Variants in PAX7 observed in about 807,000 individuals in gnomAD.
PAX7 encodes paired box protein Pax-7.
PAX7 carries 18 observed loss-of-function variants against 50.7 expected under a neutral mutation model. That is an observed-to-expected ratio of 0.36 (90% confidence interval 0.25 to 0.53). The LOEUF (loss-of-function observed/expected upper bound fraction) is 0.53. Among genes scored for constraint, PAX7 ranks in the 20% least tolerant of loss-of-function variants. PAX7 has a pLI of 0.93. For missense variants in PAX7, 644 were observed against 702.9 expected, an observed-to-expected ratio of 0.92 and a Z score of 0.95; for synonymous variants, 310 against 290.4, an observed-to-expected ratio of 1.07 and a Z score of -0.69.
intron 4 of PAX7, among the ~76,000 whole-genome samples, chr1:18,669,954 C>A (rs1268523377): frequency 6.6e-6 from 1 of 151,896 alleles, no homozygotes; most frequent in East Asian, 1.9e-4. Flanking sequence ...CGTGGTGGCA[C>A]GTGCCTGTAG....
In PAX7 at chr1:18,634,634, G is replaced by A. The variant is rs1196528418; in HGVS notation, c.321+96G>A. 1 of 933,170 alleles carries A rather than the reference G, an allele frequency of 1.1e-6. No homozygotes were observed. Among genetic ancestry groups the A allele is most frequent in the Non-Finnish European group, 1.7e-6 (1 of 601,800 alleles). The allele number at this position is 933,170 out of a possible 1,614,324, so 57.8% of individuals were successfully genotyped here. On this transcript the variant is annotated intron_variant, in intron 2 of 8. Coordinates refer to ENST00000420770, the MANE Select transcript of PAX7 (RefSeq NM_001135254.2). This position sits in a 1 kb window ranked among gnomAD's most constrained non-coding sequence, Gnocchi z 4.0. ...TACTACCTCGTGGCACCAGGCTGTA[G>A]GAAAGTACAGCTGGAGGGTGTCTTC...
intron 5 of PAX7, among the ~76,000 whole-genome samples, chr1:18,698,166 C>T (rs1033153572): frequency 5.3e-5 from 8 of 151,906 alleles, no homozygotes; most frequent in Non-Finnish European, 8.8e-5. Context: ...CCAAGATGTT[C>T]GCCACCTTCA....
intron 7 of PAX7, among the ~76,000 whole-genome samples, chr1:18,720,849 G>A (rs2089484331): frequency 6.6e-6 from 1 of 152,026 alleles, no homozygotes; most frequent in African/African-American, 2.4e-5. Context: ...AAGAGACACA[G>A]GGAGAGAGAT....
At position 18,634,716 on chromosome 1, in the gene PAX7, C is replaced by G. The variant is rs1332462709; in HGVS notation, c.321+178C>G. Among the ~76,000 whole-genome samples, 2 of 152,216 alleles carry G rather than the reference C, an allele frequency of 1.3e-5. No individual in the cohort carries two copies. The highest frequency in any genetic ancestry group is 2.9e-5 in the Non-Finnish European group (2 of 68,048). On this transcript the variant is annotated intron_variant, in intron 2 of 8. Coordinates refer to ENST00000420770, the MANE Select transcript of PAX7 (RefSeq NM_001135254.2). This position sits in a 1 kb window ranked among gnomAD's most constrained non-coding sequence, Gnocchi z 4.0. ...TTATTTGAATTTCTCAGAGATGGAG[C>G]TAAGTGAGGTCTAGGTTGTGCAAGA...
intron 4 of PAX7, among the ~76,000 whole-genome samples, chr1:18,637,662 G>A (rs574699191): frequency 3.5e-4 from 53 of 152,372 alleles, no homozygotes; most frequent in African/African-American, 1.3e-3. Context: ...AGACAAAGCC[G>A]GCTTACTAAG....
At chr1:18,725,639 T>C (rs79830871) in intron 7 of PAX7, among the ~76,000 whole-genome samples, 241 of 152,336 alleles carry the variant, frequency 1.6e-3, no homozygotes, top group Non-Finnish European at 3.1e-3. Flanking sequence ...AGTGTGCTAA[T>C]TAAATTTATG....
At chr1:18,734,725 G>A (rs61582700) in intron 7 of PAX7, among the ~76,000 whole-genome samples, 5,941 of 152,070 alleles carry the variant, frequency 0.039, 386 homozygotes, top group African/African-American at 0.13. Context: ...TCCCTCACCC[G>A]ACCCAGACCC....
Position 18,714,132 on chromosome 1 carries a change from C to G in PAX7, c.1155+10836C>G, listed in dbSNP as rs980914353. On this transcript the variant is annotated intron_variant, in intron 7 of 8. Coordinates refer to ENST00000420770, the MANE Select transcript of PAX7 (RefSeq NM_001135254.2). Reference sequence around the variant, plus strand: ...TGAGGCAGGAGAATTGCTTGGACCCCGGAGGCGGGGGCTGCAGTGAGCCGA... The same window carrying G: ...TGAGGCAGGAGAATTGCTTGGACCCGGGAGGCGGGGGCTGCAGTGAGCCGA... Among the ~76,000 whole-genome samples, 3 of 151,974 alleles carry G rather than the reference C, an allele frequency of 2.0e-5. No homozygotes were observed. In the South Asian group the frequency reaches 6.2e-4, roughly 31 times the overall value.
intron 5 of PAX7, among the ~76,000 whole-genome samples, chr1:18,693,519 G>T (rs935874622): frequency 2.0e-5 from 3 of 152,206 alleles, no homozygotes; most frequent in Middle Eastern, 3.2e-3. Context: ...AAATTTGAAA[G>T]CAACTGGGAC....
intron 7 of PAX7, among the ~76,000 whole-genome samples, chr1:18,703,566 T>C (rs1458070077): frequency 6.6e-6 from 1 of 152,204 alleles, no homozygotes; most frequent in African/African-American, 2.4e-5. Flanking sequence ...CCCTGATTGG[T>C]CAATGGAATT....
At chr1:18,725,771 G>C (rs566705419) in intron 7 of PAX7, among the ~76,000 whole-genome samples, 1 of 152,166 alleles carries the variant, frequency 6.6e-6, no homozygotes, top group African/African-American at 2.4e-5. Flanking sequence ...ATCAGAGATG[G>C]TTTCAGAATC....
rs759283359 is a variant in PAX7, at chr1:18,691,760, G to T, written c.593G>T (p.Arg198Leu). The T allele has an allele frequency of 1.3e-6, 2 of 1,575,738 alleles. No homozygotes were observed. Among genetic ancestry groups the T allele is most frequent in the Non-Finnish European group, 1.7e-6 (2 of 1,160,990 alleles). Residue 198 changes from arginine (R) to leucine (L), a missense_variant, in exon 5 of 9, where the codon CGG becomes CTG. Coordinates refer to ENST00000420770, the MANE Select transcript of PAX7 (RefSeq NM_001135254.2). ...CCCTCTCCTCCGGCTGTAGGGAACCGGCTGGACGAGGGCTCGGATGTGGAG... is the reference window on the plus strand; with the variant it reads ...CCCTCTCCTCCGGCTGTAGGGAACCTGCTGGACGAGGGCTCGGATGTGGAG... Reference protein sequence around the residue: ...IDGILGDKGNRLDEGSDVESE... With the variant: ...IDGILGDKGNLLDEGSDVESE...
intron 4 of PAX7, among the ~76,000 whole-genome samples, chr1:18,655,302 C>A (rs1356845654): frequency 6.6e-6 from 1 of 152,192 alleles, no homozygotes; most frequent in African/African-American, 2.4e-5. Context: ...GTGGCACGTC[C>A]CCTCCGTAGA....
rs112596472 is a variant in PAX7, at chr1:18,705,729, G to A, written c.1155+2433G>A. Among the ~76,000 whole-genome samples, 17 of 152,320 alleles carry A rather than the reference G, an allele frequency of 1.1e-4. 2 individuals are homozygous for A. The highest frequency in any genetic ancestry group is 3.8e-4 in the African/African-American group (16 of 41,578). ...CTCCCCCATGGCAAGGAGACTTCAG[G>A]GTTGGATGACGTGTTTTCCATCCTC... On this transcript the variant is annotated intron_variant, in intron 7 of 8. Coordinates refer to ENST00000420770, the MANE Select transcript of PAX7 (RefSeq NM_001135254.2).
chr1:18,690,285 A>C lies in PAX7; in HGVS notation c.587-1469A>C, dbSNP rs185629595. Among the ~76,000 whole-genome samples the C allele has an allele frequency of 2.4e-3, 364 of 152,160 alleles. 2 individuals are homozygous for C. In the South Asian group the frequency reaches 0.03, roughly 12 times the overall value. ...AGGGGGAGAAAGAAATGAAGGCAAA[A>C]GAGAAAAAGGAGGAAGAGGAGTGGG... On this transcript the variant is annotated intron_variant, in intron 4 of 8. Transcript: ENST00000420770.
chr1:18,742,391 C>T (rs1462814030), intron 8 of PAX7, among the ~76,000 whole-genome samples: 1 of 152,120 alleles, frequency 6.6e-6, no homozygotes, highest in Non-Finnish European at 1.5e-5. Flanking sequence ...CTCCTGACCT[C>T]GTGATCCACC....
At chr1:18,698,997 C>T (rs955778903) in intron 5 of PAX7, among the ~76,000 whole-genome samples, 2 of 152,138 alleles carry the variant, frequency 1.3e-5, no homozygotes, top group African/African-American at 4.8e-5. Flanking sequence ...GGGGAGGTGG[C>T]GGCCTTCACC....
Position 18,744,942 on chromosome 1 carries a change from G to A in PAX7, c.*13G>A, listed in dbSNP as rs561158639. ...CCAGGCCTACTAGGGCCCCTGGGGC[G>A]ACTTGCCCCAGCCCAATTCCCAGCC... is the stretch of plus-strand genomic sequence containing the variant. On this transcript the variant is annotated 3_prime_UTR_variant, in exon 9 of 9. Transcript: ENST00000420770. The A allele has an allele frequency of 3.8e-5, 54 of 1,439,214 alleles. No homozygotes were observed. The highest frequency in any genetic ancestry group is 1.8e-4 in the Middle Eastern group (1 of 5,682). 89.2% of individuals were successfully genotyped at this position (1,439,214 alleles called of 1,614,324 possible).
intron 7 of PAX7, among the ~76,000 whole-genome samples, chr1:18,714,510 G>A (rs1042431020): frequency 2.0e-5 from 3 of 152,190 alleles, no homozygotes; most frequent in Non-Finnish European, 2.9e-5. Context: ...TCTCTACCCA[G>A]GCAATTTCCT....
Sources: allele counts gnomAD v4.1 joint callset (sites outside exome capture counted in the v4.1 genomes callset), GRCh38; gene constraint gnomAD v4.1.1; non-coding constraint Gnocchi (gnomAD v3.1); transcripts MANE v1.5; gene names NCBI Gene and HGNC (gene_info 2026-07-23, HGNC 2026-07-21).